The following GSK3B variants were observed in gnomAD, a reference collection of about 807,000 sequenced individuals.
The protein encoded by GSK3B is glycogen synthase kinase-3 beta.
GSK3B carries 15 observed loss-of-function variants against 56.4 expected under a neutral mutation model. That is an observed-to-expected ratio of 0.27 (90% CI 0.18 to 0.41). The LOEUF is 0.41. GSK3B is among the 10% of genes least tolerant of loss of function. The probability of loss-of-function intolerance (pLI) is 1.00; values close to 1 mark genes in which losing one functional copy is unlikely to be tolerated. For synonymous variants in GSK3B, 181 were observed against 188.9 expected (o/e 0.96, Z 0.34); for missense variants, 300 against 513.4 (o/e 0.58, Z 4.02).
chr3:120,011,565 T>A (rs546947521), intron 1 of GSK3B, among the ~76,000 whole-genome samples: 2 of 152,332 alleles, frequency 1.3e-5, no homozygotes, highest in African/African-American at 4.8e-5. Context: ...AGATTTGATG[T>A]AGACAAGGAC....
In GSK3B at chr3:120,060,895, T is replaced by C. The variant is rs562493235; in HGVS notation, c.88+32452A>G. 7.9e-5 allele frequency among the ~76,000 whole-genome samples: 12 copies of C among 152,338 alleles called. No homozygotes were observed. In the South Asian group the frequency reaches 2.5e-3, roughly 32 times the overall value. ...TGTAGCAAGTCAGTCAGTCAATCTG[T>C]CCACCTATTTATTTATTTGTTTATT... On this transcript the variant is annotated intron_variant, in intron 1 of 10. Coordinates refer to ENST00000264235, the MANE Select transcript of GSK3B (RefSeq NM_001146156.2).
At chr3:120,055,560 G>A (rs112633539) in intron 1 of GSK3B, among the ~76,000 whole-genome samples, 7 of 152,240 alleles carry the variant, frequency 4.6e-5, no homozygotes, top group African/African-American at 1.4e-4. Context: ...AAGATTTTAG[G>A]GCAATTTGTT....
intron 7 of GSK3B, among the ~76,000 whole-genome samples, chr3:119,903,411 A>G (rs1375675713): frequency 3.3e-5 from 5 of 152,240 alleles, no homozygotes; most frequent in Admixed American, 2.0e-4. Flanking sequence ...AGATGACAGC[A>G]TAGCACATAA....
At chr3:119,838,475 G>A (rs973478301) in intron 10 of GSK3B, among the ~76,000 whole-genome samples, 32 of 152,056 alleles carry the variant, frequency 2.1e-4, no homozygotes, top group African/African-American at 6.8e-4. Context: ...TAGCACAACA[G>A]TTTACAGTTT....
intron 7 of GSK3B, among the ~76,000 whole-genome samples, chr3:119,896,573 T>C (rs1420157705): frequency 3.3e-5 from 5 of 152,198 alleles, no homozygotes; most frequent in Non-Finnish European, 7.3e-5. Context: ...AAAATATTGC[T>C]TTATAAATAT....
intron 7 of GSK3B, among the ~76,000 whole-genome samples, chr3:119,904,143 T>G (rs1189173146): frequency 6.7e-6 from 1 of 150,000 alleles, no homozygotes; most frequent in Non-Finnish European, 1.5e-5. Context: ...AAAAAATTTG[T>G]GAAAATGTGT....
intron 2 of GSK3B, among the ~76,000 whole-genome samples, chr3:119,987,864 T>C (rs1012183516): frequency 1.3e-5 from 2 of 152,220 alleles, no homozygotes; most frequent in African/African-American, 4.8e-5. Flanking sequence ...TGTATGTTAC[T>C]CATATGTGTT....
chr3:119,959,696 T>C (rs570471870), intron 2 of GSK3B, among the ~76,000 whole-genome samples: 3 of 151,958 alleles, frequency 2.0e-5, no homozygotes, highest in Admixed American at 2.0e-4. Flanking sequence ...TTTGTATTTT[T>C]AGTAGAGATG....
At chr3:119,877,284 T>C (rs1290421176) in intron 7 of GSK3B, among the ~76,000 whole-genome samples, 2 of 152,142 alleles carry the variant, frequency 1.3e-5, no homozygotes, top group Admixed American at 6.6e-5. Context: ...GGTATTCAGA[T>C]TGTTTCAGGA....
chr3:119,912,503 TAA>T (rs201360563), intron 6 of GSK3B, among the ~76,000 whole-genome samples, 199 bp downstream of exon 6: 9 of 141,138 alleles, frequency 6.4e-5, no homozygotes, highest in Admixed American at 7.1e-5. Flanking sequence ...TTTGAGAGGT[TAA>T]AAAAAAAAAA....
chr3:120,092,368 T>C (rs1349723851), intron 1 of GSK3B, among the ~76,000 whole-genome samples: 17 of 152,206 alleles, frequency 1.1e-4, no homozygotes, highest in Admixed American at 1.0e-3. Flanking sequence ...ATCCACATTC[T>C]TCTAACTAAA....
At chr3:119,957,560 C>T (rs748181630) in intron 2 of GSK3B, among the ~76,000 whole-genome samples, 6 of 152,158 alleles carry the variant, frequency 3.9e-5, no homozygotes, top group Non-Finnish European at 8.8e-5. Context: ...TCTTTGAGAG[C>T]CAATAACACA....
intron 9 of GSK3B, among the ~76,000 whole-genome samples, chr3:119,853,672 T>C (rs991401298): frequency 6.6e-6 from 1 of 152,214 alleles, no homozygotes; most frequent in Non-Finnish European, 1.5e-5. Flanking sequence ...TATTTTATTC[T>C]CTTTGAAGCA....
At chr3:119,868,640 T>C (rs2056212783) in intron 8 of GSK3B, among the ~76,000 whole-genome samples, 1 of 152,226 alleles carries the variant, frequency 6.6e-6, no homozygotes, top group Non-Finnish European at 1.5e-5. Context: ...AAAATGTCCA[T>C]TTTAAATGGC....
At chr3:120,081,322 G>A (rs1191280994) in intron 1 of GSK3B, among the ~76,000 whole-genome samples, 1 of 151,782 alleles carries the variant, frequency 6.6e-6, no homozygotes, top group East Asian at 1.9e-4. Flanking sequence ...TGGGAGGCGG[G>A]CGGATCACAA....
intron 1 of GSK3B, among the ~76,000 whole-genome samples, chr3:120,010,265 T>A (rs1389919229): frequency 6.6e-6 from 1 of 152,174 alleles, no homozygotes; most frequent in African/African-American, 2.4e-5. Context: ...CAAAATTCTA[T>A]GCTAATCTTA....
chr3:119,851,464 G>A (rs1343093978), intron 9 of GSK3B, among the ~76,000 whole-genome samples: 1 of 152,130 alleles, frequency 6.6e-6, no homozygotes, highest in African/African-American at 2.4e-5. Flanking sequence ...GTTTTCTGAG[G>A]GGGCAGGTAG....
chr3:120,064,985 C>T (rs372420557), intron 1 of GSK3B, among the ~76,000 whole-genome samples: 1 of 152,096 alleles, frequency 6.6e-6, no homozygotes, highest in Non-Finnish European at 1.5e-5. Context: ...CAAAATGGAT[C>T]AGAGACCTAA....
chr3:120,074,595 T>C (rs918246536), intron 1 of GSK3B, among the ~76,000 whole-genome samples: 6 of 151,966 alleles, frequency 3.9e-5, no homozygotes, highest in Non-Finnish European at 8.8e-5. Flanking sequence ...GGATTACAGG[T>C]GTGAGCCACC....
Sources: gnomAD v4.1 joint callset for allele counts (sites outside exome capture counted in the v4.1 genomes callset) on GRCh38, gnomAD v4.1.1 for gene constraint, MANE v1.5 for transcripts, NCBI Gene and HGNC (gene_info 2026-07-23, HGNC 2026-07-21) for gene names.